Variants in CPLX2 observed in about 807,000 individuals in gnomAD.
CPLX2 encodes complexin-2.
CPLX2 carries 5 observed loss-of-function variants against 16.3 expected under a neutral mutation model. That is an observed-to-expected ratio of 0.31 (90% CI 0.16 to 0.64). The LOEUF (loss-of-function observed/expected upper bound fraction) is 0.64, where lower values mean the gene tolerates loss of function less well. Among genes scored for constraint, CPLX2 ranks in the 30% least tolerant of loss-of-function variants. CPLX2 has a pLI of 0.79. For synonymous variants in CPLX2, 89 were observed against 73.2 expected, an observed-to-expected ratio of 1.22 and a Z score of -1.10; for missense variants, 144 against 181.4, an observed-to-expected ratio of 0.79 and a Z score of 1.18.
chr5:175,828,474 G>C (rs575416930), intron 2 of CPLX2, among the ~76,000 whole-genome samples: 1 of 152,298 alleles, frequency 6.6e-6, no homozygotes, highest in African/African-American at 2.4e-5. Context: ...TTAGAGACCA[G>C]AGCTATTGCA....
intron 2 of CPLX2, among the ~76,000 whole-genome samples, chr5:175,822,197 A>G (rs1758523419): frequency 1.3e-5 from 2 of 151,572 alleles, no homozygotes; most frequent in Admixed American, 6.6e-5. Context: ...TTTCTTCCCC[A>G]CCTGTCCCTT....
At chr5:175,797,771 C>T (rs1216250806) in intron 1 of CPLX2, among the ~76,000 whole-genome samples, 2 of 152,132 alleles carry the variant, frequency 1.3e-5, no homozygotes, top group Non-Finnish European at 2.9e-5. Context: ...GGGGAGGGGG[C>T]GACCCAGACA....
At chr5:175,808,354 C>G (rs911809341) in intron 1 of CPLX2, among the ~76,000 whole-genome samples, 1 of 152,082 alleles carries the variant, frequency 6.6e-6, no homozygotes, top group Non-Finnish European at 1.5e-5. Context: ...TGCCCGGCCC[C>G]GTGCAGAGCT....
chr5:175,824,854 C>T (rs185459234), intron 2 of CPLX2, among the ~76,000 whole-genome samples: 1 of 152,122 alleles, frequency 6.6e-6, no homozygotes. Context: ...TGTGTCCAAC[C>T]GACCGTGAAA....
At chr5:175,836,783 C>T (rs1475192354) in intron 2 of CPLX2, among the ~76,000 whole-genome samples, 1 of 152,244 alleles carries the variant, frequency 6.6e-6, no homozygotes, top group Non-Finnish European at 1.5e-5. Context: ...CAATCCATGC[C>T]TCCCTTTACA....
chr5:175,868,922 T>C (rs1417514469), upstream of CPLX2, among the ~76,000 whole-genome samples: 1 of 152,166 alleles, frequency 6.6e-6, no homozygotes, highest in Non-Finnish European at 1.5e-5. Flanking sequence ...GGCCTCAACT[T>C]TCCCATCTTG....
At chr5:175,834,805 C>T (rs532350515) in intron 2 of CPLX2, among the ~76,000 whole-genome samples, 5 of 152,142 alleles carry the variant, frequency 3.3e-5, no homozygotes, top group African/African-American at 4.8e-5. Context: ...ACCTGGGAGA[C>T]GGAGGTTGCA....
chr5:175,843,990 T>C (rs888012286), intron 2 of CPLX2, among the ~76,000 whole-genome samples: 25 of 152,226 alleles, frequency 1.6e-4, no homozygotes, highest in African/African-American at 5.1e-4. Context: ...GCCTTGCCCA[T>C]GTGGGGCAGA....
intron 2 of CPLX2, among the ~76,000 whole-genome samples, chr5:175,817,568 C>G (rs1443678539): frequency 1.3e-5 from 2 of 152,190 alleles, no homozygotes; most frequent in Admixed American, 6.5e-5. Flanking sequence ...TACTGCCCCC[C>G]TCGCCCTACA....
intron 2 of CPLX2, among the ~76,000 whole-genome samples, chr5:175,856,988 A>G (rs979064687): frequency 6.6e-6 from 1 of 152,148 alleles, no homozygotes; most frequent in Non-Finnish European, 1.5e-5. Flanking sequence ...GCAGTCAGAG[A>G]ATTTAGAACT....
intron 2 of CPLX2, among the ~76,000 whole-genome samples, chr5:175,821,849 A>AAGAGAGATGAGTC (rs1158094474): frequency 2.6e-5 from 4 of 152,234 alleles, no homozygotes; most frequent in African/African-American, 9.6e-5. Context: ...ACTTCCCTGC[A>AAGAGAGATGAGTC]AGAGAGATGA....
chr5:175,854,962 C>T (rs989688359), intron 2 of CPLX2, among the ~76,000 whole-genome samples: 1 of 152,226 alleles, frequency 6.6e-6, no homozygotes. Flanking sequence ...GGGGGACTCC[C>T]ACCCAGCAGA....
chr5:175,865,114 A>G (rs1759449720), intron 2 of CPLX2, among the ~76,000 whole-genome samples: 1 of 151,622 alleles, frequency 6.6e-6, no homozygotes, highest in Admixed American at 6.6e-5. Context: ...ACACTCGTCT[A>G]TTAATCTCCA....
At chr5:175,866,107 G>A (rs915897861) in intron 2 of CPLX2, among the ~76,000 whole-genome samples, 4 of 152,208 alleles carry the variant, frequency 2.6e-5, no homozygotes, top group Non-Finnish European at 4.4e-5. Flanking sequence ...GGGACCAAGC[G>A]TCCTGAGGGT....
chr5:175,871,505 A>G (rs2113704727), upstream of CPLX2: 1 of 83,614 alleles, frequency 1.2e-5, no homozygotes, highest in Non-Finnish European at 2.3e-5. Flanking sequence ...TCCCATCTGG[A>G]AGGGGAGCGG....
rs149033472 is a variant in CPLX2 at position 175,800,664 on chromosome 5, A to G, written c.-169+3880A>G. Reference sequence around the variant, plus strand: ...CTGAACTGCAATATGTAAGATCCCAAAGGGACTTGGTGAGCATCTCCTCTT... The same window carrying G: ...CTGAACTGCAATATGTAAGATCCCAGAGGGACTTGGTGAGCATCTCCTCTT... On this transcript the variant is annotated intron_variant, in intron 1 of 4. Coordinates refer to the CPLX2 transcript ENST00000359546. Among the ~76,000 whole-genome samples the G allele has an allele frequency of 2.0e-5, 3 of 152,272 alleles. No individual in the cohort carries two copies. The East Asian group carries it at 5.8e-4, about 29-fold the overall frequency.
rs1412681154 is a variant in CPLX2, at chr5:175,849,851, G to C, written c.-88-28801G>C. 6.6e-6 allele frequency among the ~76,000 whole-genome samples: 1 copy of C among 152,232 alleles called. No homozygotes were observed. Among genetic ancestry groups the C allele is most frequent in the Non-Finnish European group, 1.5e-5 (1 of 68,044 alleles). On this transcript the variant is annotated intron_variant, in intron 2 of 4. Transcript: ENST00000359546. This position sits in a 1 kb window ranked among gnomAD's most constrained non-coding sequence, Gnocchi z 4.4. The stretch of plus-strand genomic sequence containing the variant: ...CATGGCATGTGGCCTCTCACCAGGT[G>C]GGCTCTCAGCAAACATGAGTCCCTT...
intron 2 of CPLX2, among the ~76,000 whole-genome samples, chr5:175,857,403 C>T (rs1200475674): frequency 6.6e-6 from 1 of 152,190 alleles, no homozygotes; most frequent in East Asian, 1.9e-4. Flanking sequence ...CACAGATGCT[C>T]CTTGACTTAC....
At position 175,883,073 on chromosome 5, in the gene CPLX2, A is replaced by AC. The variant is rs1755660430; in HGVS notation, c.*3033dup. ...ACGCACACAACACACAAGGGAGAGA[A>AC]CCCCCAGATGAGAAAATAGGAAGGA... On this transcript the variant is annotated 3_prime_UTR_variant, in exon 4 of 4. Transcript: ENST00000393745. The AC allele has an allele frequency of 6.6e-6, 1 of 152,238 alleles. No individual in the cohort carries two copies. The highest frequency in any genetic ancestry group is 2.1e-4 in the South Asian group (1 of 4,822). 9.4% of individuals were successfully genotyped at this position (152,238 alleles called of 1,614,324 possible).
Sources: gnomAD v4.1 joint callset for allele counts (sites outside exome capture counted in the v4.1 genomes callset) on GRCh38, gnomAD v4.1.1 for gene constraint, Gnocchi (gnomAD v3.1) non-coding constraint, MANE v1.5 for transcripts, NCBI Gene and HGNC (gene_info 2026-07-23, HGNC 2026-07-21) for gene names.